The following DYM variants were observed in gnomAD, a reference collection of about 807,000 sequenced individuals.
DYM encodes dymeclin.
DYM carries 78 observed loss-of-function variants against 93.1 expected under a neutral mutation model. The ratio of observed to expected loss-of-function variants is 0.84; its 90% confidence interval spans 0.70 to 1.01. DYM has a LOEUF of 1.01. Ranked by LOEUF, DYM falls within the 50% of genes least tolerant of loss-of-function variation. DYM has a pLI of 0.00. For synonymous variants in DYM, 321 were observed against 319.7 expected (o/e 1.00, Z -0.04); for missense variants, 789 against 845.0 (o/e 0.93, Z 0.82).
chr18:49,081,849 G>A lies in DYM; in HGVS notation c.2025+15553C>T, dbSNP rs144962119. Among the ~76,000 whole-genome samples the A allele has an allele frequency of 2.2e-3, 342 of 152,298 alleles. 3 individuals carry two copies. The highest frequency in any genetic ancestry group is 3.7e-3 in the Non-Finnish European group (254 of 68,028). ...CATGTGCCCCACCTCTGCTCTGTGT[G>A]CAGTGTGATGCTGTCACTGCAGTCA... On this transcript the variant is annotated intron_variant, in intron 17 of 17. Coordinates refer to ENST00000675505, the MANE Select transcript of DYM (RefSeq NM_001353214.3).
chr18:49,078,033 T>C (rs1047655353), intron 17 of DYM, among the ~76,000 whole-genome samples: 5 of 152,212 alleles, frequency 3.3e-5, no homozygotes, highest in African/African-American at 1.2e-4. Flanking sequence ...CTTTCCTGCT[T>C]TGGGGAAAAA....
At chr18:49,129,202 T>C (rs1037431369) in intron 15 of DYM, among the ~76,000 whole-genome samples, 5 of 151,934 alleles carry the variant, frequency 3.3e-5, no homozygotes, top group African/African-American at 1.2e-4. Flanking sequence ...AGTTTTGCCA[T>C]GGACAGGGCA....
chr18:49,337,633 G>T (rs1450137749), intron 6 of DYM, among the ~76,000 whole-genome samples: 1 of 152,120 alleles, frequency 6.6e-6, no homozygotes, highest in African/African-American at 2.4e-5. Flanking sequence ...GAGATTGAGG[G>T]GGAAGGAGCA....
intron 10 of DYM, among the ~76,000 whole-genome samples, chr18:49,279,998 T>C (rs1006867048): frequency 6.6e-6 from 1 of 152,216 alleles, no homozygotes; most frequent in Admixed American, 6.5e-5. Flanking sequence ...AATCCTGCTA[T>C]CAACCTGTAA....
chr18:49,290,019 G>A (rs1336810094), intron 8 of DYM, among the ~76,000 whole-genome samples: 1 of 150,718 alleles, frequency 6.6e-6, no homozygotes, highest in East Asian at 1.9e-4. Flanking sequence ...AGTACATTTG[G>A]CAGTTTTCAT....
chr18:49,264,447 T>C (rs2094538630), intron 11 of DYM, among the ~76,000 whole-genome samples: 1 of 152,188 alleles, frequency 6.6e-6, no homozygotes, highest in Non-Finnish European at 1.5e-5. Flanking sequence ...CCTTTTTCTC[T>C]ATATCCTCAC....
chr18:49,214,731 A>C (rs776203721), intron 13 of DYM, among the ~76,000 whole-genome samples: 2 of 152,220 alleles, frequency 1.3e-5, no homozygotes, highest in Non-Finnish European at 2.9e-5. Flanking sequence ...CTTCTCAAGC[A>C]TTTGACATTA....
At chr18:49,299,182 A>T (rs1333469030) in intron 8 of DYM, among the ~76,000 whole-genome samples, 1 of 152,220 alleles carries the variant, frequency 6.6e-6, no homozygotes, top group Non-Finnish European at 1.5e-5. Context: ...AAAAATCTTT[A>T]ATAGTTATGT....
chr18:49,273,279 G>T (rs1029092092), intron 10 of DYM, among the ~76,000 whole-genome samples: 4 of 152,144 alleles, frequency 2.6e-5, no homozygotes, highest in Non-Finnish European at 5.9e-5. Flanking sequence ...TTCCAGGAAC[G>T]AAGTATACCA....
At chr18:49,254,270 G>A (rs1337666775) in intron 13 of DYM, among the ~76,000 whole-genome samples, 1 of 140,458 alleles carries the variant, frequency 7.1e-6, no homozygotes, top group East Asian at 2.3e-4. Context: ...CTGTATAAAA[G>A]ATCCTTGTAT....
At chr18:49,163,345 T>G (rs1448237243) in intron 15 of DYM, among the ~76,000 whole-genome samples, 3 of 152,154 alleles carry the variant, frequency 2.0e-5, no homozygotes, top group South Asian at 4.1e-4. Context: ...AATAATTTAT[T>G]TATTTATTAT....
intron 6 of DYM, among the ~76,000 whole-genome samples, chr18:49,350,809 C>T (rs545252462): frequency 6.6e-6 from 1 of 151,122 alleles, no homozygotes; most frequent in East Asian, 1.9e-4. Context: ...CAGTAAGGGT[C>T]CAAAGTGAGA....
chr18:49,368,321 G>C (rs1469842414), intron 5 of DYM, among the ~76,000 whole-genome samples: 2 of 152,138 alleles, frequency 1.3e-5, no homozygotes, highest in Non-Finnish European at 2.9e-5. Context: ...ACAGAAATAT[G>C]ACAAAACAAT....
intron 15 of DYM, among the ~76,000 whole-genome samples, chr18:49,153,542 T>C (rs1240037480): frequency 6.6e-6 from 1 of 151,414 alleles, no homozygotes; most frequent in Non-Finnish European, 1.5e-5. Flanking sequence ...AAGATAAGAG[T>C]AAACTGAGAG....
intron 15 of DYM, among the ~76,000 whole-genome samples, chr18:49,141,873 A>C (rs1044381925): frequency 1.3e-5 from 2 of 151,976 alleles, no homozygotes; most frequent in Admixed American, 1.3e-4. Context: ...TTTTTTGTTG[A>C]GATGGAGTCT....
intron 5 of DYM, among the ~76,000 whole-genome samples, chr18:49,377,979 A>G (rs2067672536): frequency 6.6e-6 from 1 of 152,226 alleles, no homozygotes; most frequent in Admixed American, 6.5e-5. Context: ...TCGGAAAACT[A>G]TGGGGCAACA....
chr18:49,299,701 T>A (rs2060782658), intron 8 of DYM, among the ~76,000 whole-genome samples: 1 of 152,112 alleles, frequency 6.6e-6, no homozygotes, highest in South Asian at 2.1e-4. Flanking sequence ...ACAATGAGAA[T>A]TATTTAAATT....
At chr18:49,445,467 ACAAAAGAACGGAGAAAAGATAAAAG>A (rs1314642731) in intron 1 of DYM, among the ~76,000 whole-genome samples, 3 of 152,204 alleles carry the variant, frequency 2.0e-5, no homozygotes, top group African/African-American at 7.2e-5. Context: ...GAAATTTAAA[ACAAAAGAACGGAGAAAAGATAAAAG>A]TTAAGGGAAC....
intron 15 of DYM, 66 bp downstream of exon 15, chr18:49,163,619 C>T (rs1163637808): frequency 6.7e-6 from 7 of 1,037,748 alleles, no homozygotes; most frequent in Middle Eastern, 2.0e-4. Flanking sequence ...GCTGGGATTA[C>T]AGGCAGGAGT....
Sources: allele counts gnomAD v4.1 joint callset (sites outside exome capture counted in the v4.1 genomes callset), GRCh38; gene constraint gnomAD v4.1.1; transcripts MANE v1.5; gene names NCBI Gene and HGNC (gene_info 2026-07-23, HGNC 2026-07-21).